Variants in CNTNAP3 observed in about 807,000 individuals in gnomAD.
The protein encoded by CNTNAP3 is contactin associated protein family member 3.
CNTNAP3 carries 36 observed loss-of-function variants against 92.1 expected under a neutral mutation model. That is an observed-to-expected ratio of 0.39 (90% CI 0.30 to 0.52). The LOEUF (loss-of-function observed/expected upper bound fraction) is 0.52. CNTNAP3 is among the 20% of genes least tolerant of loss of function. The probability of loss-of-function intolerance (pLI) is 0.76; values close to 1 mark genes in which losing one functional copy is unlikely to be tolerated. For missense variants in CNTNAP3, 534 were observed against 1,069.6 expected (o/e 0.50, Z 6.98); for synonymous variants, 232 against 422.3 (o/e 0.55, Z 5.53).
chr9:39,129,634 A>T (rs1462666128), intron 13 of CNTNAP3, among the ~76,000 whole-genome samples: 1 of 152,146 alleles, frequency 6.6e-6, no homozygotes. Context: ...TGATAAACTG[A>T]ATCTCATCAA....
rs2150946 is a variant in CNTNAP3 at position 39,107,776 on chromosome 9, C to T, written c.2365+1384G>A. Among the ~76,000 whole-genome samples the T allele has an allele frequency of 3.0e-3, 423 of 142,194 alleles. 2 individuals are homozygous for T. Among genetic ancestry groups the T allele is most frequent in the African/African-American group, 9.6e-3 (367 of 38,240 alleles). The allele number at this position is 142,194 out of a possible 152,430, so 93.3% of individuals were successfully genotyped here. ...GGCAAAGGAAACAAGTCAACAGTCCCAGATGCAGAGAATCCAACAAATGAA... is the reference window on the plus strand; with the variant it reads ...GGCAAAGGAAACAAGTCAACAGTCCTAGATGCAGAGAATCCAACAAATGAA... On this transcript the variant is annotated intron_variant, in intron 15 of 23. Coordinates refer to ENST00000297668, the MANE Select transcript of CNTNAP3 (RefSeq NM_033655.5).
intron 15 of CNTNAP3, among the ~76,000 whole-genome samples, chr9:39,104,471 TACACATACACACACACACACACAC>T (rs1397307678): frequency 1.4e-5 from 1 of 71,844 alleles, no homozygotes; most frequent in Non-Finnish European, 3.1e-5. Flanking sequence ...TTCCTGCACA[TACACATACACACACACACACACAC>T]ACACACACAC....
At chr9:39,101,942 T>A (rs1184650269) in intron 17 of CNTNAP3, among the ~76,000 whole-genome samples, 22 of 152,380 alleles carry the variant, frequency 1.4e-4, no homozygotes, top group African/African-American at 5.1e-4. Context: ...GGCTTGGCTA[T>A]CTCATCTGTA....
At position 39,104,477 on chromosome 9, in the gene CNTNAP3, T is replaced by TACACATACAC. The variant is rs1310721529; in HGVS notation, c.2366-564_2366-563insGTGTATGTGT. Among the ~76,000 whole-genome samples the TACACATACAC allele has an allele frequency of 2.8e-3, 346 of 123,146 alleles. 5 individuals carry two copies. Among genetic ancestry groups the TACACATACAC allele is most frequent in the African/African-American group, 9.9e-3 (322 of 32,640 alleles). 80.8% of individuals were successfully genotyped at this position (123,146 alleles called of 152,430 possible). A position where few individuals can be genotyped will look rare whatever the true frequency, so the allele number is the denominator to read the frequency against. The stretch of plus-strand genomic sequence containing the variant: ...TTGCTTTCCTTCCTGCACATACACA[T>TACACATACAC]ACACACACACACACACACACACACA... On this transcript the variant is annotated intron_variant, in intron 15 of 23. Transcript: ENST00000297668.
In CNTNAP3 at chr9:39,278,629, C is replaced by G. The variant is rs1375789115; in HGVS notation, c.85+9351G>C. Among the ~76,000 whole-genome samples, 5 of 30,552 alleles carry G rather than the reference C, an allele frequency of 1.6e-4. 2 individuals carry two copies. The highest frequency in any genetic ancestry group is 3.2e-4 in the African/African-American group (5 of 15,458). The allele number at this position is 30,552 out of a possible 152,430, so 20.0% of individuals were successfully genotyped here. A position where few individuals can be genotyped will look rare whatever the true frequency, so the allele number is the denominator to read the frequency against. On this transcript the variant is annotated intron_variant, in intron 1 of 23. Coordinates refer to ENST00000297668, the MANE Select transcript of CNTNAP3 (RefSeq NM_033655.5). ...ATAGAACAGAACAGAACAGAGCCCT[C>G]AGAAATAATGCCGCATATCTACAAC...
chr9:39,114,121 C>T (rs1222416128), intron 14 of CNTNAP3, among the ~76,000 whole-genome samples: 2 of 142,306 alleles, frequency 1.4e-5, no homozygotes, highest in African/African-American at 2.6e-5. Flanking sequence ...CTTGGTCTGT[C>T]GCCCAGGCTG....
chr9:39,079,593 G>T (rs762798981), intron 21 of CNTNAP3, among the ~76,000 whole-genome samples: 9 of 151,684 alleles, frequency 5.9e-5, no homozygotes, highest in Non-Finnish European at 1.2e-4. Context: ...TAGTTTGACA[G>T]AATTTAGTCC....
chr9:39,148,754 T>C (rs182986353), intron 10 of CNTNAP3, among the ~76,000 whole-genome samples: 3,202 of 152,272 alleles, frequency 0.021, 53 homozygotes, highest in Middle Eastern at 0.051. Context: ...CTCGATCTCC[T>C]GACCTCATGA....
Position 39,071,924 on chromosome 9 carries a change from T to G in CNTNAP3, c.*1966A>C, listed in dbSNP as rs1048383232. ...AATACAGAATACATTTGTCTGCACA[T>G]TTTTGCATAAATTTTAAAAAGCATA... is the stretch of plus-strand genomic sequence containing the variant. On this transcript the variant is annotated 3_prime_UTR_variant, in exon 24 of 24. Coordinates refer to ENST00000297668, the MANE Select transcript of CNTNAP3 (RefSeq NM_033655.5). Among the ~76,000 whole-genome samples the G allele has an allele frequency of 2.5e-5, 3 of 117,976 alleles. No individual in the cohort carries two copies. Among genetic ancestry groups the G allele is most frequent in the Non-Finnish European group, 5.0e-5 (3 of 59,590 alleles). 77.4% of individuals were successfully genotyped at this position (117,976 alleles called of 152,430 possible). A position where few individuals can be genotyped will look rare whatever the true frequency, so the allele number is the denominator to read the frequency against.
intron 15 of CNTNAP3, among the ~76,000 whole-genome samples, chr9:39,104,998 A>G (rs886968133): frequency 6.6e-6 from 1 of 152,200 alleles, no homozygotes; most frequent in African/African-American, 2.4e-5. Flanking sequence ...TTACCCAGTT[A>G]AAAATTTCTT....
chr9:39,114,331 C>T (rs756324154), intron 14 of CNTNAP3, among the ~76,000 whole-genome samples: 3 of 151,992 alleles, frequency 2.0e-5, no homozygotes, highest in East Asian at 1.9e-4. Context: ...GTGATCTGCC[C>T]GCCTCAGCCT....
rs1335769968 is a variant in CNTNAP3 at position 39,065,823 on chromosome 9, T to G, written c.*8067A>C. 6.6e-6 allele frequency among the ~76,000 whole-genome samples: 1 copy of G among 152,192 alleles called. No homozygotes were observed. The highest frequency in any genetic ancestry group is 1.5e-5 in the Non-Finnish European group (1 of 68,020). Reference sequence around the variant, plus strand: ...ATTTTATTTTTGCTAATTATTGAGTTGTTAAGAGTTCTTTATGAACTATAT... The same window carrying G: ...ATTTTATTTTTGCTAATTATTGAGTGGTTAAGAGTTCTTTATGAACTATAT... On this transcript the variant is annotated 3_prime_UTR_variant, in exon 24 of 24. Transcript: ENST00000297668.
At chr9:39,078,523 CA>C (rs1825844427) in intron 22 of CNTNAP3, 67 bp from the exon 23 acceptor site, 1 of 1,605,032 alleles carries the variant, frequency 6.2e-7, no homozygotes, top group Non-Finnish European at 8.5e-7. Context: ...TTACACATAG[CA>C]AACTTGTCAA....
rs1014300281 is a variant in CNTNAP3 at position 39,066,368 on chromosome 9, C to A, written c.*7522G>T. Among the ~76,000 whole-genome samples, 18 of 152,226 alleles carry A rather than the reference C, an allele frequency of 1.2e-4. No individual in the cohort carries two copies. Among genetic ancestry groups the A allele is most frequent in the African/African-American group, 4.1e-4 (17 of 41,558 alleles). On this transcript the variant is annotated 3_prime_UTR_variant, in exon 24 of 24. Coordinates refer to ENST00000297668, the MANE Select transcript of CNTNAP3 (RefSeq NM_033655.5). The stretch of plus-strand genomic sequence containing the variant: ...CTATTATTTCTAAACAGCCAATTAT[C>A]TTTAAAAGATATTTAAGTAATAAGG...
intron 12 of CNTNAP3, among the ~76,000 whole-genome samples, chr9:39,139,361 G>A (rs1821516851): frequency 6.6e-6 from 1 of 152,182 alleles, no homozygotes; most frequent in Non-Finnish European, 1.5e-5. Flanking sequence ...AGGGGATTTT[G>A]GAGGTAATTG....
chr9:39,079,390 T>A (rs1394365551), intron 21 of CNTNAP3, among the ~76,000 whole-genome samples: 1 of 149,754 alleles, frequency 6.7e-6, no homozygotes, highest in Non-Finnish European at 1.5e-5. Flanking sequence ...ATTATCTTAA[T>A]AAACTGTATC....
intron 13 of CNTNAP3, among the ~76,000 whole-genome samples, chr9:39,132,134 C>T (rs1821308344): frequency 1.3e-5 from 2 of 152,048 alleles, no homozygotes; most frequent in Admixed American, 1.3e-4. Flanking sequence ...GATCCTCCCG[C>T]CTATATACTA....
At chr9:39,112,090 A>T (rs866957981) in intron 14 of CNTNAP3, among the ~76,000 whole-genome samples, 4 of 151,566 alleles carry the variant, frequency 2.6e-5, no homozygotes, top group Non-Finnish European at 1.5e-5. Context: ...ACTTGGAAAT[A>T]GTGCTTTCAT....
Position 39,100,072 on chromosome 9 carries a change from T to G in CNTNAP3, c.2834A>C (p.Glu945Ala), listed in dbSNP as rs1167358501. The G allele has an allele frequency of 3.2e-6, 5 of 1,579,530 alleles. No homozygotes were observed. Among genetic ancestry groups the G allele is most frequent in the Non-Finnish European group, 3.4e-6 (4 of 1,161,442 alleles). The change falls in exon 18 of 24, where the codon GAA becomes GCA. Residue 945 changes from glutamate to alanine, a missense_variant. Glu to Ala is a moderately radical substitution (Grantham distance 107, BLOSUM62 -1). Transcript: ENST00000297668. ...LQLNGVALDL[E>A]ERATVTPGVE... Reference sequence around the variant, plus strand: ...TCCTGGCGTCACTGTGGCTCTTTCTTCCAGATCCAGGGCCACCCCGTTCAA... The same window carrying G: ...TCCTGGCGTCACTGTGGCTCTTTCTGCCAGATCCAGGGCCACCCCGTTCAA...
Sources: gnomAD v4.1 joint callset for allele counts (sites outside exome capture counted in the v4.1 genomes callset) on GRCh38, gnomAD v4.1.1 for gene constraint, MANE v1.5 for transcripts, NCBI Gene and HGNC (gene_info 2026-07-23, HGNC 2026-07-21) for gene names.